The following MMAB variants were observed in gnomAD, a reference collection of about 807,000 sequenced individuals.
MMAB encodes metabolism of cobalamin associated B, also known as corrinoid adenosyltransferase MMAB.
A neutral mutation model predicts 30.6 loss-of-function variants in MMAB; 17 were observed. The ratio of observed to expected loss-of-function variants is 0.56; its 90% confidence interval spans 0.38 to 0.83. The LOEUF (loss-of-function observed/expected upper bound fraction) is 0.83. Among genes scored for constraint, MMAB ranks in the 40% least tolerant of loss-of-function variants. The pLI, the probability that MMAB is intolerant of heterozygous loss-of-function variation, is 0.00. For missense variants in MMAB, 311 were observed against 331.6 expected, an observed-to-expected ratio of 0.94 and a Z score of 0.48; for synonymous variants, 134 against 138.6, an observed-to-expected ratio of 0.97 and a Z score of 0.23.
intron 7 of MMAB, 55 bp from the exon 8 acceptor site, chr12:109,559,210 G>A: frequency 1.5e-6 from 2 of 1,340,120 alleles, no homozygotes; most frequent in Non-Finnish European, 2.1e-6. Flanking sequence ...AACAGGCTCT[G>A]ACCTGGGCCT....
At chr12:109,563,356 G>A (rs902881128) in intron 4 of MMAB, among the ~76,000 whole-genome samples, 5 of 152,204 alleles carry the variant, frequency 3.3e-5, no homozygotes, top group Non-Finnish European at 5.9e-5. Context: ...CCACCTCACG[G>A]GTGTCTGTGA....
At chr12:109,559,504 G>C (rs927667496) in intron 7 of MMAB, among the ~76,000 whole-genome samples, 1 of 152,212 alleles carries the variant, frequency 6.6e-6, no homozygotes, top group African/African-American at 2.4e-5. Flanking sequence ...AGCCTTCAAA[G>C]GAAGTGGGGG....
At chr12:109,563,827 G>A (rs1184531184) in intron 4 of MMAB, among the ~76,000 whole-genome samples, 1 of 152,240 alleles carries the variant, frequency 6.6e-6, no homozygotes, top group African/African-American at 2.4e-5. Context: ...TCCAGCCTGG[G>A]CTTCAGAACG....
intron 7 of MMAB, among the ~76,000 whole-genome samples, chr12:109,559,375 G>A (rs1257696724): frequency 2.0e-5 from 3 of 152,224 alleles, no homozygotes; most frequent in Non-Finnish European, 4.4e-5. Context: ...GGCCAAGGAG[G>A]GATCAAGGAT....
chr12:109,557,876 A>C (rs2136193375), intron 8 of MMAB, among the ~76,000 whole-genome samples: 1 of 152,348 alleles, frequency 6.6e-6, no homozygotes, highest in African/African-American at 2.4e-5. Context: ...AGCAATGGTC[A>C]TCTGTGCATG....
intron 7 of MMAB, 70 bp downstream of exon 7, chr12:109,560,970 T>TGGGGGGGG: frequency 8.7e-6 from 7 of 808,170 alleles, no homozygotes; most frequent in Non-Finnish European, 1.2e-5. Flanking sequence ...CTCCTCTCCC[T>TGGGGGGGG]CTCCCTCCCC....
chr12:109,570,958 A>C (rs1342916581), intron 2 of MMAB, among the ~76,000 whole-genome samples: 1 of 151,746 alleles, frequency 6.6e-6, no homozygotes, highest in Non-Finnish European at 1.5e-5. Flanking sequence ...CATTTTAAAA[A>C]CTATTAAAGT....
Position 109,561,100 on chromosome 12 carries a change from C to T in MMAB, c.524G>A (p.Gly175Glu). The T allele has an allele frequency of 6.2e-7, 1 of 1,610,346 alleles. No individual in the cohort carries two copies. Among genetic ancestry groups the T allele is most frequent in the Non-Finnish European group, 8.5e-7 (1 of 1,179,974 alleles). ...PPLTAFILPS[G>E]GKISSALHFC... ...ATGCAGCGCCGAGCTGATCTTGCCTCCCGACTGAAAGGAGAAAGGGACATT... is the reference window on the plus strand; with the variant it reads ...ATGCAGCGCCGAGCTGATCTTGCCTTCCGACTGAAAGGAGAAAGGGACATT... The change falls in exon 7 of 9, where the codon GGA (glycine) becomes GAA (glutamate). Residue 175 changes from glycine to glutamate, a missense_variant. By Grantham distance (98) the Gly-to-Glu change is moderately conservative. Transcript: ENST00000545712. The surrounding 1 kb of genome is among the most constrained non-coding windows in gnomAD (Gnocchi z 5.3).
At chr12:109,557,233 A>C in intron 8 of MMAB, 97 bp from the exon 9 acceptor site, 2 of 868,924 alleles carry the variant, frequency 2.3e-6, no homozygotes, top group East Asian at 2.4e-5. Context: ...GAGGAGATAT[A>C]AATGACGCAC....
At position 109,554,087 on chromosome 12, in the gene MMAB, G is replaced by A. The variant is rs1221946378; in HGVS notation, c.*2941C>T. ...AGGTAGTGATTAAAACGACTGTCAA[G>A]CGGCAGTGGGTGGGAGCTGAGGAGC... On this transcript the variant is annotated 3_prime_UTR_variant, in exon 9 of 9. Transcript: ENST00000545712. 4.4e-6 allele frequency: 2 copies of A among 454,140 alleles called. No individual in the cohort carries two copies. The highest frequency in any genetic ancestry group is 3.1e-5 in the South Asian group (2 of 64,480). The allele number at this position is 454,140 out of a possible 1,614,324, so 28.1% of individuals were successfully genotyped here.
chr12:109,561,321 C>T lies in MMAB; in HGVS notation c.519+99G>A, dbSNP rs751997838. The T allele has an allele frequency of 9.1e-6, 14 of 1,546,228 alleles. No homozygotes were observed. The African/African-American group carries it at 1.2e-4, about 14-fold the overall frequency. ...AGGGACTTGGGGAACTGGAGGACAG[C>T]GTCTGTCACTGTGAAAAGAGGGATT... On this transcript the variant is annotated intron_variant, in intron 6 of 8. Transcript: ENST00000545712. This position sits in a 1 kb window ranked among gnomAD's most constrained non-coding sequence, Gnocchi z 5.3.
Position 109,555,262 on chromosome 12 carries a change from T to C in MMAB, c.*1766A>G, listed in dbSNP as rs1235489661. ...ATACTCCCTGACCGAGCCTTAGTGA[T>C]TGCGTTTTCAGGGTTTTTTTTTTTT... is the stretch of plus-strand genomic sequence containing the variant. On this transcript the variant is annotated 3_prime_UTR_variant, in exon 9 of 9. Coordinates refer to ENST00000545712, the MANE Select transcript of MMAB (RefSeq NM_052845.4). The C allele has an allele frequency of 1.3e-5, 6 of 445,140 alleles. No individual in the cohort carries two copies. The highest frequency in any genetic ancestry group is 8.0e-5 in the South Asian group (5 of 62,548). The allele number at this position is 445,140 out of a possible 1,614,324, so 27.6% of individuals were successfully genotyped here.
chr12:109,556,464 C>G lies in MMAB; in HGVS notation c.*564G>C, dbSNP rs56760240. 9.6e-3 allele frequency: 4,365 copies of G among 454,074 alleles called. 145 individuals are homozygous for G. Among genetic ancestry groups the G allele is most frequent in the African/African-American group, 0.078 (3,902 of 50,076 alleles). 28.1% of individuals were successfully genotyped at this position (454,074 alleles called of 1,614,324 possible). ...TGTCAATCTGCAGCTATCCTTCCCCCACACTTTGGCGGTGATGGGTGGCTC... is the reference window on the plus strand; with the variant it reads ...TGTCAATCTGCAGCTATCCTTCCCCGACACTTTGGCGGTGATGGGTGGCTC... On this transcript the variant is annotated 3_prime_UTR_variant, in exon 9 of 9. Transcript: ENST00000545712.
At chr12:109,571,851 G>A in intron 1 of MMAB, 141 bp from the exon 2 acceptor site, 1 of 732,384 alleles carries the variant, frequency 1.4e-6, no homozygotes, top group Middle Eastern at 3.6e-4. Context: ...ATCTCTTGTT[G>A]ATTTCTTTCC....
At chr12:109,559,840 G>C (rs7964021) in intron 7 of MMAB, among the ~76,000 whole-genome samples, 84,995 of 152,110 alleles carry the variant, frequency 0.56, 24,616 homozygotes, top group African/African-American at 0.69. Context: ...AGCGGCCCAG[G>C]AGGGTGTGCA....
chr12:109,560,833 C>T (rs1350987054), intron 7 of MMAB, among the ~76,000 whole-genome samples: 4 of 152,162 alleles, frequency 2.6e-5, no homozygotes, highest in Non-Finnish European at 5.9e-5. Context: ...TCCTGGTCCC[C>T]GTCTGGCACA....
chr12:109,564,379 GTTTTT>G (rs869192707), intron 4 of MMAB, among the ~76,000 whole-genome samples: 1 of 126,756 alleles, frequency 7.9e-6, no homozygotes, highest in Non-Finnish European at 1.7e-5. Flanking sequence ...GGAGACAGAG[GTTTTT>G]TTTTTTTTTT....
rs189576241 is a variant in MMAB at position 109,554,961 on chromosome 12, G to A, written c.*2067C>T. On this transcript the variant is annotated 3_prime_UTR_variant, in exon 9 of 9. Transcript: ENST00000545712. ...TGAACCGGGAGACAGATACAGAGGC[G>A]GGGGTCTGAGAACGCGACTGTTAAC... The A allele has an allele frequency of 1.8e-5, 8 of 454,130 alleles. No individual in the cohort carries two copies. The highest frequency in any genetic ancestry group is 2.6e-5 in the Non-Finnish European group (6 of 226,808). 28.1% of individuals were successfully genotyped at this position (454,130 alleles called of 1,614,324 possible). A position where few individuals can be genotyped will look rare whatever the true frequency, so the allele number is the denominator to read the frequency against.
intron 4 of MMAB, among the ~76,000 whole-genome samples, chr12:109,563,045 G>A (rs1650804276): frequency 6.6e-6 from 1 of 152,246 alleles, no homozygotes; most frequent in African/African-American, 2.4e-5. Context: ...AGCAGGCCAT[G>A]GTGTGTGAGA....
Sources: gnomAD v4.1 joint callset for allele counts (sites outside exome capture counted in the v4.1 genomes callset) on GRCh38, gnomAD v4.1.1 for gene constraint, Gnocchi (gnomAD v3.1) non-coding constraint, MANE v1.5 for transcripts, NCBI Gene and HGNC (gene_info 2026-07-23, HGNC 2026-07-21) for gene names.